Variants in PLEKHA8 observed in about 807,000 individuals in gnomAD.
The protein encoded by PLEKHA8 is pleckstrin homology domain containing A8.
PLEKHA8 carries 36 observed loss-of-function variants against 68.2 expected under a neutral mutation model. The observed-to-expected ratio is 0.53, with a 90% CI of 0.40 to 0.70. The LOEUF is 0.70. PLEKHA8 is among the 30% of genes least tolerant of loss of function. PLEKHA8 has a pLI of 0.00. For synonymous variants in PLEKHA8, 211 were observed against 216.1 expected, an observed-to-expected ratio of 0.98 and a Z score of 0.20; for missense variants, 505 against 615.4, an observed-to-expected ratio of 0.82 and a Z score of 1.90.
chr7:30,044,089 C>A (rs539485296), intron 1 of PLEKHA8, among the ~76,000 whole-genome samples: 1 of 150,716 alleles, frequency 6.6e-6, no homozygotes, highest in Admixed American at 6.6e-5. Context: ...TCACTGCAAC[C>A]TTCGCCTTCC....
chr7:30,029,786 A>G (rs189708176), intron 1 of PLEKHA8, among the ~76,000 whole-genome samples: 135 of 152,288 alleles, frequency 8.9e-4, no homozygotes, highest in Admixed American at 2.2e-3. Context: ...AGGTTGTAGT[A>G]TGGTAATGCG....
rs542677757 is a variant in PLEKHA8 at position 30,109,683 on chromosome 7, T to A, written c.1363-19583T>A. ...TTCCTTTTTCTTTTTCTTTTTTTTT[T>A]TTTTTAAAGACAGAGTCTCACTTTG... On this transcript the variant is annotated intron_variant, in intron 13 of 13. Transcript: ENST00000396257. Among the ~76,000 whole-genome samples, 8 of 150,476 alleles carry A rather than the reference T, an allele frequency of 5.3e-5. No individual in the cohort carries two copies. In the East Asian group the frequency reaches 1.4e-3, roughly 25 times the overall value.
chr7:30,083,077 G>A lies in PLEKHA8; in HGVS notation c.*4290G>A. On this transcript the variant is annotated 3_prime_UTR_variant, in exon 14 of 14. Transcript: ENST00000449726. ...TTTTTAAATTTTAAAATTTTTAGAT[G>A]TAGAGTTTATAAGTAAAATATATTT... The A allele has an allele frequency of 3.1e-6, 3 of 982,408 alleles. No individual in the cohort carries two copies. The highest frequency in any genetic ancestry group is 3.6e-6 in the Non-Finnish European group (3 of 827,378). The allele number at this position is 982,408 out of a possible 1,614,324, so 60.9% of individuals were successfully genotyped here.
intron 13 of PLEKHA8, among the ~76,000 whole-genome samples, chr7:30,109,132 C>T (rs540844329): frequency 6.6e-6 from 1 of 152,280 alleles, no homozygotes; most frequent in East Asian, 1.9e-4. Context: ...CTCTCTTTCT[C>T]TCTCTCTATA....
At chr7:30,071,176 A>G (rs1448486114) in intron 12 of PLEKHA8, among the ~76,000 whole-genome samples, 1 of 152,194 alleles carries the variant, frequency 6.6e-6, no homozygotes, top group Non-Finnish European at 1.5e-5. Flanking sequence ...ATGAAACCCA[A>G]AAAAAGCGAT....
intron 13 of PLEKHA8, among the ~76,000 whole-genome samples, chr7:30,107,533 A>G (rs1009360067): frequency 6.6e-6 from 1 of 151,982 alleles, no homozygotes; most frequent in East Asian, 1.9e-4. Context: ...ATCTTTATAA[A>G]TTTTATTTCT....
chr7:30,031,299 G>A (rs895117567), intron 1 of PLEKHA8, among the ~76,000 whole-genome samples: 2 of 152,204 alleles, frequency 1.3e-5, no homozygotes, highest in African/African-American at 4.8e-5. Context: ...AGGGCAGAGA[G>A]GCTAGTACGG....
At chr7:30,034,711 G>A (rs1416076959) in intron 1 of PLEKHA8, among the ~76,000 whole-genome samples, 1 of 152,176 alleles carries the variant, frequency 6.6e-6, no homozygotes, top group Non-Finnish European at 1.5e-5. Flanking sequence ...CTATCTCAGG[G>A]TAGCAGAAGT....
chr7:30,070,718 A>G (rs1239441743), intron 12 of PLEKHA8, among the ~76,000 whole-genome samples: 3 of 151,846 alleles, frequency 2.0e-5, no homozygotes, highest in East Asian at 1.9e-4. Flanking sequence ...GCTAATTTTT[A>G]TATTTTTAGT....
chr7:30,036,094 A>G (rs1300884388), intron 1 of PLEKHA8, among the ~76,000 whole-genome samples: 1 of 152,010 alleles, frequency 6.6e-6, no homozygotes, highest in Non-Finnish European at 1.5e-5. Context: ...CGTCTCTACT[A>G]AAAATACAAA....
intron 1 of PLEKHA8, among the ~76,000 whole-genome samples, chr7:30,037,609 CT>C (rs1357487035): frequency 1.3e-5 from 2 of 152,200 alleles, no homozygotes; most frequent in Non-Finnish European, 2.9e-5. Flanking sequence ...TTAACCTTTT[CT>C]TTCTCCCATT....
At chr7:30,112,844 T>C (rs1408968825) in intron 13 of PLEKHA8, among the ~76,000 whole-genome samples, 4 of 151,762 alleles carry the variant, frequency 2.6e-5, no homozygotes. Flanking sequence ...AAGGCTACAG[T>C]GAGCTGTGAT....
Position 30,107,505 on chromosome 7 carries a change from C to T in PLEKHA8, c.1363-21761C>T, listed in dbSNP as rs558177630. ...GTAGTTTATAGGTTCCTTTGTATTTCGTATTTTTTACTTTCTAATCTTTAT... is the reference window on the plus strand; with the variant it reads ...GTAGTTTATAGGTTCCTTTGTATTTTGTATTTTTTACTTTCTAATCTTTAT... On this transcript the variant is annotated intron_variant, in intron 13 of 13. Coordinates refer to the PLEKHA8 transcript ENST00000396257. Among the ~76,000 whole-genome samples, 5 of 152,062 alleles carry T rather than the reference C, an allele frequency of 3.3e-5. No individual in the cohort carries two copies. The East Asian group carries it at 5.8e-4, about 18-fold the overall frequency.
chr7:30,102,853 G>GA (rs1171632667), intron 13 of PLEKHA8, among the ~76,000 whole-genome samples: 2 of 152,238 alleles, frequency 1.3e-5, no homozygotes, highest in African/African-American at 4.8e-5. Flanking sequence ...CGGAGTTCCA[G>GA]ACCAGTCAGG....
intron 8 of PLEKHA8, 67 bp from the exon 9 acceptor site, chr7:30,055,190 C>T: frequency 7.1e-7 from 1 of 1,405,364 alleles, no homozygotes; most frequent in Non-Finnish European, 1.0e-6. Context: ...TATGACTTAC[C>T]TCTGAATTGC....
At chr7:30,039,851 C>T (rs1478178124) in intron 1 of PLEKHA8, among the ~76,000 whole-genome samples, 2 of 152,040 alleles carry the variant, frequency 1.3e-5, no homozygotes, top group Non-Finnish European at 2.9e-5. Context: ...TTCTTTCTTT[C>T]CAATCTAGAT....
chr7:30,065,776 C>T (rs1325212382), intron 12 of PLEKHA8, among the ~76,000 whole-genome samples: 4 of 152,172 alleles, frequency 2.6e-5, no homozygotes. Flanking sequence ...ATTTAATCTT[C>T]CAAATACTCT....
At chr7:30,032,797 T>G (rs1790764399) in intron 1 of PLEKHA8, among the ~76,000 whole-genome samples, 1 of 152,260 alleles carries the variant, frequency 6.6e-6, no homozygotes, top group South Asian at 2.1e-4. Flanking sequence ...TGCTTTCTAC[T>G]TTGTAGTTTT....
chr7:30,059,905 C>G (rs1383449434), intron 9 of PLEKHA8, among the ~76,000 whole-genome samples: 1 of 152,084 alleles, frequency 6.6e-6, no homozygotes, highest in Admixed American at 6.5e-5. Flanking sequence ...ATCATTGGGC[C>G]GGGCATGGTG....
Sources: allele counts gnomAD v4.1 joint callset (sites outside exome capture counted in the v4.1 genomes callset), GRCh38; gene constraint gnomAD v4.1.1; transcripts MANE v1.5; gene names NCBI Gene and HGNC (gene_info 2026-07-23, HGNC 2026-07-21).